Variants in SMCO4 observed in about 807,000 individuals in gnomAD.
SMCO4 encodes the protein single-pass membrane and coiled-coil domain-containing protein 4.
In SMCO4, 4 loss-of-function variants were observed where a neutral mutation model predicts 3.6. The observed-to-expected ratio is 1.11, with a 90% CI of 0.54 to 2.53. The LOEUF (loss-of-function observed/expected upper bound fraction) is 2.53. SMCO4 is among the 30% of genes most tolerant of loss of function. The pLI, the probability that SMCO4 is intolerant of heterozygous loss-of-function variation, is 0.02. For missense variants in SMCO4, 70 were observed against 80.8 expected, an observed-to-expected ratio of 0.87 and a Z score of 0.51; for synonymous variants, 36 against 35.3, an observed-to-expected ratio of 1.02 and a Z score of -0.07.
intron 1 of SMCO4, chr11:93,535,873 C>A: frequency 6.2e-7 from 1 of 1,606,192 alleles, no homozygotes. Context: ...GCTATTTTTT[C>A]CTTTTGGCCA....
At chr11:93,526,477 A>C (rs1949109256) in intron 1 of SMCO4, among the ~76,000 whole-genome samples, 1 of 152,162 alleles carries the variant, frequency 6.6e-6, no homozygotes, top group Non-Finnish European at 1.5e-5. Flanking sequence ...GAAATCCTAG[A>C]GCATTCAGCA....
chr11:93,550,921 G>C, the SMCO4 span, among the ~76,000 whole-genome samples: 1 of 152,086 alleles, frequency 6.6e-6, no homozygotes, highest in African/African-American at 2.4e-5. Flanking sequence ...CTTTTGGTCT[G>C]GCACATTTTT....
chr11:93,506,113 G>GCA (rs139012150), intron 1 of SMCO4, among the ~76,000 whole-genome samples: 29 of 151,814 alleles, frequency 1.9e-4, no homozygotes, highest in Admixed American at 5.2e-4. Context: ...GTGTGAATAT[G>GCA]CACACACACA....
At chr11:93,535,728 G>A in intron 1 of SMCO4, 1 of 1,613,774 alleles carries the variant, frequency 6.2e-7, no homozygotes, top group Non-Finnish European at 8.5e-7. Flanking sequence ...CAAACCTCCT[G>A]AGAGCTAACA....
At chr11:93,523,760 T>C (rs375378783) in intron 1 of SMCO4, among the ~76,000 whole-genome samples, 1 of 152,234 alleles carries the variant, frequency 6.6e-6, no homozygotes, top group South Asian at 2.1e-4. Flanking sequence ...ACGTCCAATA[T>C]GTAAATTTAA....
At chr11:93,531,620 T>C (rs1591327187) in intron 1 of SMCO4, among the ~76,000 whole-genome samples, 1 of 152,218 alleles carries the variant, frequency 6.6e-6, no homozygotes, top group Admixed American at 6.5e-5. Context: ...TACTGATGCA[T>C]AGTAATGTGC....
At chr11:93,499,748 G>A (rs1251839609) in intron 1 of SMCO4, among the ~76,000 whole-genome samples, 2 of 152,210 alleles carry the variant, frequency 1.3e-5, no homozygotes, top group African/African-American at 4.8e-5. Flanking sequence ...ATACAGGTTT[G>A]GGATTAGAAA....
chr11:93,518,331 C>G (rs1264877253), intron 1 of SMCO4, among the ~76,000 whole-genome samples: 1 of 152,074 alleles, frequency 6.6e-6, no homozygotes, highest in South Asian at 2.1e-4. Flanking sequence ...ATGGAGATAC[C>G]ACATTTTGTC....
chr11:93,522,584 C>T (rs1205593288), intron 1 of SMCO4, among the ~76,000 whole-genome samples: 1 of 152,236 alleles, frequency 6.6e-6, no homozygotes, highest in Non-Finnish European at 1.5e-5. Flanking sequence ...AAATAAGATG[C>T]CTAAGATATA....
chr11:93,535,725 C>T (rs1322631312), intron 1 of SMCO4: 2 of 1,613,790 alleles, frequency 1.2e-6, no homozygotes, highest in Non-Finnish European at 1.7e-6. Context: ...ATTCAAACCT[C>T]CTGAGAGCTA....
At chr11:93,523,259 T>G (rs1949075743) in intron 1 of SMCO4, 2 of 151,884 alleles carry the variant, frequency 1.3e-5, no homozygotes, top group African/African-American at 4.9e-5. Flanking sequence ...GCTCAGGAGA[T>G]GAGCTGTGAT....
chr11:93,507,528 C>T (rs1005679495), intron 1 of SMCO4, among the ~76,000 whole-genome samples: 7 of 152,096 alleles, frequency 4.6e-5, no homozygotes, highest in East Asian at 1.9e-4. Flanking sequence ...TTTTTCTAAA[C>T]GGTGGTATTA....
At chr11:93,544,090 T>C (rs1274159587), upstream of SMCO4, among the ~76,000 whole-genome samples, 1 of 152,216 alleles carries the variant, frequency 6.6e-6, no homozygotes, top group Non-Finnish European at 1.5e-5. Context: ...TCTTAAAAGC[T>C]GGGCAATCGC....
chr11:93,543,864 G>T (rs113185510), upstream of SMCO4, among the ~76,000 whole-genome samples: 2,024 of 152,330 alleles, frequency 0.013, 49 homozygotes, highest in African/African-American at 0.046. Context: ...GACTTTTACC[G>T]CTGTCTACCC....
chr11:93,505,345 A>C (rs1419492394), intron 1 of SMCO4, among the ~76,000 whole-genome samples: 2 of 152,204 alleles, frequency 1.3e-5, no homozygotes, highest in Non-Finnish European at 2.9e-5. Context: ...CATCTACTCC[A>C]TATAAAAAGT....
intron 1 of SMCO4, among the ~76,000 whole-genome samples, chr11:93,541,125 T>C (rs954163617): frequency 1.3e-5 from 2 of 152,228 alleles, no homozygotes; most frequent in Non-Finnish European, 2.9e-5. Flanking sequence ...TCCAGCACCA[T>C]GGCTTGATCA....
intron 1 of SMCO4, among the ~76,000 whole-genome samples, chr11:93,515,625 T>G (rs1949001614): frequency 6.6e-6 from 1 of 152,188 alleles, no homozygotes; most frequent in Non-Finnish European, 1.5e-5. Flanking sequence ...TCTGCTTCTC[T>G]CTGCCTACAA....
At chr11:93,552,227 G>A in the SMCO4 span, among the ~76,000 whole-genome samples, 7 of 146,480 alleles carry the variant, frequency 4.8e-5, no homozygotes, top group African/African-American at 1.8e-4. Flanking sequence ...CACAATCTCG[G>A]CTCACTGCAA....
In SMCO4 at chr11:93,500,213, C is replaced by T. The variant is rs79655797; in HGVS notation, c.-153-865G>A. On this transcript the variant is annotated intron_variant, in intron 1 of 2. Coordinates refer to ENST00000298966, the MANE Select transcript of SMCO4 (RefSeq NM_020179.3). ...GTGGGTCAGCAATCAGTGCTGAGTTCAGCTGGGCTTTTTCTTCTGGTCTTG... is the reference window on the plus strand; with the variant it reads ...GTGGGTCAGCAATCAGTGCTGAGTTTAGCTGGGCTTTTTCTTCTGGTCTTG... 5.1e-3 allele frequency among the ~76,000 whole-genome samples: 779 copies of T among 152,248 alleles called. 4 individuals carry two copies. The highest frequency in any genetic ancestry group is 0.017 in the African/African-American group (710 of 41,532).
Sources: gnomAD v4.1 joint callset for allele counts (sites outside exome capture counted in the v4.1 genomes callset) on GRCh38, gnomAD v4.1.1 for gene constraint, MANE v1.5 for transcripts, NCBI Gene and HGNC (gene_info 2026-07-23, HGNC 2026-07-21) for gene names.